MEI4: variants seen among roughly 807,000 people sequenced by gnomAD.
MEI4 encodes the protein meiotic double-stranded break formation protein 4.
MEI4 carries 27 observed loss-of-function variants against 31.4 expected under a neutral mutation model. That is an observed-to-expected ratio of 0.86 (90% CI 0.63 to 1.19). The LOEUF is 1.19. Ranked by LOEUF, MEI4 falls within the 50% of genes most tolerant of loss-of-function variation. The probability of loss-of-function intolerance (pLI) is 0.00; values close to 1 mark genes in which losing one functional copy is unlikely to be tolerated. For missense variants in MEI4, 329 were observed against 398.9 expected, an observed-to-expected ratio of 0.82 and a Z score of 1.49; for synonymous variants, 122 against 145.4, an observed-to-expected ratio of 0.84 and a Z score of 1.16.
At chr6:77,666,881 G>GCA (rs34341540) in intron 1 of MEI4, among the ~76,000 whole-genome samples, 3 of 75,486 alleles carry the variant, frequency 4.0e-5, no homozygotes, top group South Asian at 6.2e-4. Flanking sequence ...GTGTGTGTGT[G>GCA]TGCGTGCGTG....
At chr6:77,672,406 A>T (rs2127646119) in intron 1 of MEI4, among the ~76,000 whole-genome samples, 1 of 152,366 alleles carries the variant, frequency 6.6e-6, no homozygotes, top group East Asian at 1.9e-4. Flanking sequence ...TTGCTTTAAA[A>T]TGTATTTTAA....
chr6:77,817,753 A>G (rs1379923628), intron 3 of MEI4, among the ~76,000 whole-genome samples: 1 of 152,024 alleles, frequency 6.6e-6, no homozygotes, highest in Non-Finnish European at 1.5e-5. Context: ...TTACTTTTCT[A>G]TACTCTTTCT....
intron 3 of MEI4, among the ~76,000 whole-genome samples, chr6:77,804,184 C>A (rs1769363382): frequency 2.0e-5 from 3 of 152,174 alleles, no homozygotes; most frequent in Non-Finnish European, 4.4e-5. Flanking sequence ...GACGCCCCTC[C>A]CCCAGCCTCG....
At chr6:77,695,945 A>G (rs1766024059) in intron 2 of MEI4, among the ~76,000 whole-genome samples, 1 of 152,110 alleles carries the variant, frequency 6.6e-6, no homozygotes, top group Non-Finnish European at 1.5e-5. Context: ...TTCATTGAGC[A>G]GTGGTTTGTA....
At chr6:77,854,339 A>G (rs1007519755) in intron 4 of MEI4, among the ~76,000 whole-genome samples, 2 of 151,712 alleles carry the variant, frequency 1.3e-5, no homozygotes, top group African/African-American at 4.8e-5. Context: ...AAAAAAAACA[A>G]AACCAAAACC....
At chr6:77,830,096 A>G (rs1012574981) in intron 4 of MEI4, among the ~76,000 whole-genome samples, 5 of 152,116 alleles carry the variant, frequency 3.3e-5, no homozygotes, top group Non-Finnish European at 7.4e-5. Flanking sequence ...ATGTTTTCAT[A>G]GGAGTTCCAA....
At chr6:77,875,465 T>C (rs1771311678) in intron 4 of MEI4, among the ~76,000 whole-genome samples, 1 of 152,214 alleles carries the variant, frequency 6.6e-6, no homozygotes, top group Non-Finnish European at 1.5e-5. Flanking sequence ...TTTTGCTATA[T>C]TTGACATGAT....
intron 1 of MEI4, among the ~76,000 whole-genome samples, chr6:77,683,184 GCT>G (rs2127649838): frequency 6.6e-6 from 1 of 152,112 alleles, no homozygotes; most frequent in South Asian, 2.1e-4. Context: ...TTGGTGCAGA[GCT>G]CTGAGACTTC....
chr6:77,755,210 T>C (rs1471941552), intron 2 of MEI4, among the ~76,000 whole-genome samples: 1 of 152,072 alleles, frequency 6.6e-6, no homozygotes, highest in African/African-American at 2.4e-5. Flanking sequence ...TGTGAATAAA[T>C]AGAGTATAAT....
chr6:77,787,915 T>C (rs1768790003), intron 3 of MEI4, among the ~76,000 whole-genome samples: 1 of 152,212 alleles, frequency 6.6e-6, no homozygotes, highest in South Asian at 2.1e-4. Flanking sequence ...TTTGCCAATA[T>C]TGAGGATTTT....
intron 4 of MEI4, among the ~76,000 whole-genome samples, chr6:77,839,864 CA>C (rs1167093915): frequency 6.6e-6 from 1 of 152,076 alleles, no homozygotes; most frequent in Non-Finnish European, 1.5e-5. Context: ...TTCTAGGATA[CA>C]ATCTAAAACT....
chr6:77,813,985 C>T (rs1437225181), intron 3 of MEI4, among the ~76,000 whole-genome samples: 1 of 151,952 alleles, frequency 6.6e-6, no homozygotes, highest in African/African-American at 2.4e-5. Flanking sequence ...GATTTTTAAA[C>T]ATGGGAAGAT....
intron 3 of MEI4, among the ~76,000 whole-genome samples, chr6:77,796,008 A>G (rs1769065195): frequency 6.6e-6 from 1 of 152,174 alleles, no homozygotes; most frequent in South Asian, 2.1e-4. Context: ...GCACAACAAA[A>G]TAGTAGCAAA....
chr6:77,797,850 G>C (rs1769122548), intron 3 of MEI4, among the ~76,000 whole-genome samples: 2 of 151,994 alleles, frequency 1.3e-5, no homozygotes, highest in Admixed American at 6.6e-5. Flanking sequence ...ATCTCCTCTG[G>C]CAAAACCCTC....
chr6:77,728,680 T>G (rs1336502905), intron 2 of MEI4, among the ~76,000 whole-genome samples: 1 of 152,166 alleles, frequency 6.6e-6, no homozygotes, highest in Non-Finnish European at 1.5e-5. Context: ...AGGGAATGTT[T>G]GAGTTGACTC....
In MEI4 at chr6:77,783,402, A is replaced by AT. The variant is rs1439482947; in HGVS notation, c.768+21738dup. Among the ~76,000 whole-genome samples, 5 of 152,230 alleles carry AT rather than the reference A, an allele frequency of 3.3e-5. No individual in the cohort carries two copies. In the East Asian group the frequency reaches 9.6e-4, roughly 29 times the overall value. ...TTCAATTTTATTTCCATGGATCTTAATAAAAACCATGAAAAATCAGATGAA... is the reference window on the plus strand; with the variant it reads ...TTCAATTTTATTTCCATGGATCTTAATTAAAAACCATGAAAAATCAGATGAA... On this transcript the variant is annotated intron_variant, in intron 3 of 4. Transcript: ENST00000684080.
At chr6:77,768,871 A>G (rs563127581) in intron 3 of MEI4, among the ~76,000 whole-genome samples, 1 of 152,288 alleles carries the variant, frequency 6.6e-6, no homozygotes, top group Non-Finnish European at 1.5e-5. Context: ...TTCTAATTGA[A>G]TATAAGTTAT....
At chr6:77,700,360 C>T (rs1766187151) in intron 2 of MEI4, among the ~76,000 whole-genome samples, 1 of 152,202 alleles carries the variant, frequency 6.6e-6, no homozygotes, top group Admixed American at 6.5e-5. Flanking sequence ...TGCTAGCAAT[C>T]AGGGAGACTC....
chr6:77,681,995 C>T (rs1422128818), intron 1 of MEI4, among the ~76,000 whole-genome samples: 1 of 152,142 alleles, frequency 6.6e-6, no homozygotes, highest in Non-Finnish European at 1.5e-5. Flanking sequence ...TGTGCTGAAA[C>T]TATAACAATA....
Sources: allele counts gnomAD v4.1 joint callset (sites outside exome capture counted in the v4.1 genomes callset), GRCh38; gene constraint gnomAD v4.1.1; transcripts MANE v1.5; gene names NCBI Gene and HGNC (gene_info 2026-07-23, HGNC 2026-07-21).